The following MGMT variants were observed in gnomAD, a reference collection of about 807,000 sequenced individuals.
MGMT encodes the protein O-6-methylguanine-DNA methyltransferase, also known as methylated-DNA--protein-cysteine methyltransferase.
In MGMT, 14 loss-of-function variants were observed where a neutral mutation model predicts 15.9. The observed-to-expected ratio is 0.88, with a 90% CI of 0.58 to 1.37. The LOEUF is 1.37. Ranked by LOEUF, MGMT falls within the 40% of genes most tolerant of loss-of-function variation. The pLI is 0.00. For synonymous variants in MGMT, 130 were observed against 118.2 expected, an observed-to-expected ratio of 1.10 and a Z score of -0.65; for missense variants, 282 against 268.1, an observed-to-expected ratio of 1.05 and a Z score of -0.36.
chr10:129,615,094 T>C (rs890154242), intron 2 of MGMT, among the ~76,000 whole-genome samples: 2 of 152,160 alleles, frequency 1.3e-5, no homozygotes, highest in Non-Finnish European at 2.9e-5. Flanking sequence ...AAAATGGTTG[T>C]TTCTTGGCTC....
rs1254953778 is a variant in MGMT at position 129,767,600 on chromosome 10, A to G, written c.*603A>G. On this transcript the variant is annotated 3_prime_UTR_variant, in exon 5 of 5. Transcript: ENST00000651593. ...TATGGTCTGTATCAGGTGAATAGAA[A>G]ATAACCATTTGCCAAGATTTGGAAA... 6.6e-6 allele frequency: 1 copy of G among 152,296 alleles called. No individual in the cohort carries two copies. The highest frequency in any genetic ancestry group is 2.4e-5 in the African/African-American group (1 of 41,474). 9.4% of individuals were successfully genotyped at this position (152,296 alleles called of 1,614,324 possible).
chr10:129,618,191 T>TA (rs1554869868), intron 2 of MGMT, among the ~76,000 whole-genome samples: 3 of 152,164 alleles, frequency 2.0e-5, no homozygotes, highest in Non-Finnish European at 4.4e-5. Flanking sequence ...AAACTTTTTT[T>TA]AAAAAGGATT....
chr10:129,650,131 C>T (rs1211115866), intron 2 of MGMT, among the ~76,000 whole-genome samples: 11 of 152,192 alleles, frequency 7.2e-5, no homozygotes, highest in Admixed American at 7.2e-4. Flanking sequence ...TCATTCTTTA[C>T]TTCTGAGTGT....
At chr10:129,518,216 C>T (rs1315510009) in intron 1 of MGMT, among the ~76,000 whole-genome samples, 1 of 151,912 alleles carries the variant, frequency 6.6e-6, no homozygotes, top group Non-Finnish European at 1.5e-5. Flanking sequence ...CTGAAATTTG[C>T]CACCTTCTTT....
At chr10:129,668,859 ATC>A (rs1215530177) in intron 2 of MGMT, among the ~76,000 whole-genome samples, 1 of 152,182 alleles carries the variant, frequency 6.6e-6, no homozygotes, top group Non-Finnish European at 1.5e-5. Context: ...GTAGAGAAAC[ATC>A]TCTACAATTT....
intron 3 of MGMT, among the ~76,000 whole-genome samples, chr10:129,725,834 C>T (rs959456646): frequency 6.6e-5 from 10 of 152,210 alleles, no homozygotes; most frequent in East Asian, 5.8e-4. Flanking sequence ...TGTAAACTAC[C>T]GGGATCAGGA....
intron 1 of MGMT, among the ~76,000 whole-genome samples, chr10:129,528,173 C>G (rs138287756): frequency 3.9e-5 from 6 of 152,248 alleles, no homozygotes; most frequent in African/African-American, 1.4e-4. Context: ...CACTGTTATT[C>G]TAAATGCTGG....
chr10:129,763,122 G>A (rs558915068), intron 4 of MGMT, among the ~76,000 whole-genome samples: 1 of 152,168 alleles, frequency 6.6e-6, no homozygotes, highest in South Asian at 2.1e-4. Context: ...TTTGAGAAAG[G>A]GGCTGCATAA....
intron 1 of MGMT, among the ~76,000 whole-genome samples, chr10:129,472,835 A>G (rs1222272729): frequency 2.0e-5 from 3 of 152,192 alleles, no homozygotes; most frequent in Non-Finnish European, 2.9e-5. Context: ...CTGAGGTCAC[A>G]GTGCATTGTC....
chr10:129,482,954 A>G (rs538241534), intron 1 of MGMT, among the ~76,000 whole-genome samples: 27 of 152,214 alleles, frequency 1.8e-4, no homozygotes, highest in South Asian at 4.1e-4. Flanking sequence ...TCATTCACCA[A>G]TTTGTTCTTT....
intron 2 of MGMT, among the ~76,000 whole-genome samples, chr10:129,547,967 C>T (rs190816471): frequency 1.3e-5 from 2 of 152,224 alleles, no homozygotes; most frequent in African/African-American, 2.4e-5. Flanking sequence ...TCTCGTCAGC[C>T]GAAGGTTGGC....
chr10:129,723,769 A>C (rs1848401625), intron 3 of MGMT, among the ~76,000 whole-genome samples: 1 of 152,214 alleles, frequency 6.6e-6, no homozygotes, highest in African/African-American at 2.4e-5. Context: ...TTGGCCCCTG[A>C]GCTCATGAGA....
At chr10:129,705,815 C>A (rs1177079579) in intron 2 of MGMT, among the ~76,000 whole-genome samples, 1 of 152,118 alleles carries the variant, frequency 6.6e-6, no homozygotes, top group Non-Finnish European at 1.5e-5. Flanking sequence ...GGAGACAGGT[C>A]CCCTTCTGCA....
intron 2 of MGMT, among the ~76,000 whole-genome samples, chr10:129,615,563 C>T (rs1847015350): frequency 1.3e-5 from 2 of 152,230 alleles, no homozygotes; most frequent in Non-Finnish European, 2.9e-5. Context: ...ATTCCTGCCT[C>T]ATCCGGAACA....
chr10:129,568,997 A>G (rs1846386506), intron 2 of MGMT, among the ~76,000 whole-genome samples: 1 of 152,184 alleles, frequency 6.6e-6, no homozygotes, highest in South Asian at 2.1e-4. Flanking sequence ...GTATTCCTTT[A>G]TGACAGTGTG....
intron 1 of MGMT, among the ~76,000 whole-genome samples, chr10:129,527,327 C>T (rs1231720689): frequency 6.6e-6 from 1 of 152,194 alleles, no homozygotes; most frequent in African/African-American, 2.4e-5. Context: ...GGTTCGAATT[C>T]TGGAAGTCCT....
At chr10:129,657,319 T>A (rs1323267356) in intron 2 of MGMT, among the ~76,000 whole-genome samples, 1 of 151,048 alleles carries the variant, frequency 6.6e-6, no homozygotes, top group Non-Finnish European at 1.5e-5. Flanking sequence ...GGCAAGTAAT[T>A]GTGAAATAGG....
At chr10:129,748,647 T>C (rs564659784) in intron 3 of MGMT, among the ~76,000 whole-genome samples, 1 of 152,314 alleles carries the variant, frequency 6.6e-6, no homozygotes, top group African/African-American at 2.4e-5. Flanking sequence ...ACCACAGAAG[T>C]AGCTTTCTGT....
At chr10:129,655,186 TG>T (rs1847510816) in intron 2 of MGMT, among the ~76,000 whole-genome samples, 1 of 152,238 alleles carries the variant, frequency 6.6e-6, no homozygotes, top group Middle Eastern at 3.4e-3. Flanking sequence ...CACAGTCCCG[TG>T]GGGGCCCCGC....
Sources: gnomAD v4.1 joint callset for allele counts (sites outside exome capture counted in the v4.1 genomes callset) on GRCh38, gnomAD v4.1.1 for gene constraint, MANE v1.5 for transcripts, NCBI Gene and HGNC (gene_info 2026-07-23, HGNC 2026-07-21) for gene names.